LRGUK: variants seen among roughly 807,000 people sequenced by gnomAD.
LRGUK encodes leucine rich repeats and guanylate kinase domain containing, also known as leucine-rich repeat and guanylate kinase domain-containing protein.
A neutral mutation model predicts 76.0 loss-of-function variants in LRGUK; 65 were observed. That is an observed-to-expected ratio of 0.85 (90% CI 0.70 to 1.05). The LOEUF is 1.05. LRGUK is among the 50% of genes least tolerant of loss of function. The probability of loss-of-function intolerance (pLI) is 0.00; values close to 1 mark genes in which losing one functional copy is unlikely to be tolerated. For missense variants in LRGUK, 758 were observed against 732.8 expected, an observed-to-expected ratio of 1.03 and a Z score of -0.40; for synonymous variants, 268 against 265.6, an observed-to-expected ratio of 1.01 and a Z score of -0.09.
At chr7:134,200,773 C>T (rs1391037503) in intron 14 of LRGUK, among the ~76,000 whole-genome samples, 1 of 152,182 alleles carries the variant, frequency 6.6e-6, no homozygotes, top group Non-Finnish European at 1.5e-5. Flanking sequence ...GAAATTATCA[C>T]ACTTAGTGTC....
intron 12 of LRGUK, 129 bp downstream of exon 12, chr7:134,191,880 TGG>T: frequency 1.7e-6 from 1 of 583,370 alleles, no homozygotes; most frequent in East Asian, 3.1e-5. Flanking sequence ...TGAGTTTTTA[TGG>T]GGTTTTTTTT....
At chr7:134,135,915 C>A (rs1797519366) in intron 1 of LRGUK, among the ~76,000 whole-genome samples, 1 of 152,200 alleles carries the variant, frequency 6.6e-6, no homozygotes, top group African/African-American at 2.4e-5. Context: ...CTTGGCCTCC[C>A]AAAGTGCTGG....
At chr7:134,159,258 G>A (rs987296650) in intron 6 of LRGUK, among the ~76,000 whole-genome samples, 1 of 150,634 alleles carries the variant, frequency 6.6e-6, no homozygotes, top group African/African-American at 2.5e-5. Context: ...AATCACTTGA[G>A]CCCAGGAGGT....
intron 1 of LRGUK, among the ~76,000 whole-genome samples, chr7:134,136,587 G>A (rs1797548732): frequency 1.3e-5 from 2 of 152,140 alleles, no homozygotes; most frequent in Non-Finnish European, 2.9e-5. Flanking sequence ...TTTCAGGCAA[G>A]TTAACCTCCA....
intron 16 of LRGUK, among the ~76,000 whole-genome samples, chr7:134,226,305 T>C (rs1443651483): frequency 1.3e-5 from 2 of 151,558 alleles, no homozygotes; most frequent in African/African-American, 4.9e-5. Context: ...TTCCCACTTA[T>C]GTTAAAGATT....
chr7:134,267,926 A>G (rs546660633), downstream of LRGUK, among the ~76,000 whole-genome samples: 1 of 59,136 alleles, frequency 1.7e-5, no homozygotes, highest in African/African-American at 4.2e-5. Context: ...ATCTAAAATT[A>G]AAAAAAAATA....
chr7:134,196,984 A>C lies in LRGUK; in HGVS notation c.1432-8A>C, dbSNP rs2117072969. ...TATATGAAAATCTTTGTTCTTCTCG[A>C]ATTCCAGGGGAAATTCATTCTAACA... is the stretch of plus-strand genomic sequence containing the variant. On this transcript the variant is annotated splice_polypyrimidine_tract_variant and splice_region_variant and intron_variant, in intron 12 of 15. Coordinates refer to ENST00000645682, the Ensembl canonical transcript of LRGUK. The C allele has an allele frequency of 6.7e-7, 1 of 1,487,478 alleles. No homozygotes were observed. The highest frequency in any genetic ancestry group is 1.7e-5 in the Admixed American group (1 of 58,396). The allele number at this position is 1,487,478 out of a possible 1,614,324, so 92.1% of individuals were successfully genotyped here.
At chr7:134,216,748 A>G (rs1184924847) in intron 15 of LRGUK, among the ~76,000 whole-genome samples, 1 of 152,164 alleles carries the variant, frequency 6.6e-6, no homozygotes, top group African/African-American at 2.4e-5. Flanking sequence ...ACCAGCTTCT[A>G]CAATTACCAG....
At chr7:134,245,951 A>T (rs1260647379) in intron 16 of LRGUK, among the ~76,000 whole-genome samples, 1 of 152,250 alleles carries the variant, frequency 6.6e-6, no homozygotes, top group Non-Finnish European at 1.5e-5. Context: ...TTCTTCTCTC[A>T]TTACATCCTC....
At chr7:134,161,390 A>G (rs1435711927) in intron 6 of LRGUK, among the ~76,000 whole-genome samples, 1 of 152,030 alleles carries the variant, frequency 6.6e-6, no homozygotes, top group African/African-American at 2.4e-5. Context: ...ATTTGACTTT[A>G]CTTTGGCAAA....
intron 7 of LRGUK, among the ~76,000 whole-genome samples, chr7:134,172,903 C>A (rs115183413): frequency 8.5e-4 from 129 of 152,072 alleles, no homozygotes; most frequent in African/African-American, 3.0e-3. Flanking sequence ...AGGAAGGTTC[C>A]TTGAGCTAGG....
At chr7:134,199,378 T>C in exon 14 of LRGUK, 1 of 1,613,794 alleles carries the variant, frequency 6.2e-7, no homozygotes, top group Non-Finnish European at 8.5e-7. Flanking sequence ...ATATTAAAAT[T>C]AATCAGAATT....
intron 15 of LRGUK, among the ~76,000 whole-genome samples, chr7:134,219,460 C>T (rs190584800): frequency 6.6e-6 from 1 of 152,068 alleles, no homozygotes; most frequent in Non-Finnish European, 1.5e-5. Flanking sequence ...AAAAGGAACC[C>T]GGACACAAAA....
chr7:134,209,534 C>T (rs563066421), exon 16 of LRGUK: 7 of 399,196 alleles, frequency 1.8e-5, no homozygotes, highest in South Asian at 1.3e-4. Flanking sequence ...TCCTAGAAGC[C>T]GGCTGGCTCC....
At chr7:134,145,624 A>G (rs983794418) in intron 4 of LRGUK, among the ~76,000 whole-genome samples, 9 of 152,222 alleles carry the variant, frequency 5.9e-5, no homozygotes, top group Non-Finnish European at 7.3e-5. Context: ...ATACTGAAGC[A>G]TGAAAGGTTA....
downstream of LRGUK, among the ~76,000 whole-genome samples, chr7:134,213,373 G>T (rs548585560): frequency 5.3e-5 from 8 of 152,162 alleles, no homozygotes; most frequent in South Asian, 1.5e-3. Flanking sequence ...AGGCTGTGGG[G>T]GCAGGAATTG....
intron 15 of LRGUK, among the ~76,000 whole-genome samples, chr7:134,221,532 AT>A (rs770335668): frequency 7.2e-5 from 11 of 152,180 alleles, no homozygotes; most frequent in Non-Finnish European, 1.5e-4. Context: ...GATTTTATTT[AT>A]AAGCCTGAAT....
At chr7:134,240,300 C>A (rs942974453) in intron 16 of LRGUK, among the ~76,000 whole-genome samples, 2 of 152,146 alleles carry the variant, frequency 1.3e-5, no homozygotes, top group Non-Finnish European at 2.9e-5. Flanking sequence ...AGCTAAAAAC[C>A]TTGATGAAAG....
At chr7:134,222,875 G>A (rs1234079050) in intron 16 of LRGUK, among the ~76,000 whole-genome samples, 1 of 152,138 alleles carries the variant, frequency 6.6e-6, no homozygotes, top group Admixed American at 6.5e-5. Flanking sequence ...TGGGATTACA[G>A]GTGTGAGCCA....
Sources: allele counts gnomAD v4.1 joint callset (sites outside exome capture counted in the v4.1 genomes callset), GRCh38; gene constraint gnomAD v4.1.1; transcripts MANE v1.5; gene names NCBI Gene and HGNC (gene_info 2026-07-23, HGNC 2026-07-21).